Variants in RNF114 observed in about 807,000 individuals in gnomAD.
RNF114 encodes the protein ring finger protein 114, also known as E3 ubiquitin-protein ligase RNF114.
A neutral mutation model predicts 28.4 loss-of-function variants in RNF114; 6 were observed. The ratio of observed to expected loss-of-function variants is 0.21; its 90% CI spans 0.12 to 0.42. The LOEUF is 0.42. RNF114 is among the 10% of genes least tolerant of loss of function. RNF114 has a pLI of 1.00. For synonymous variants in RNF114, 115 were observed against 116.7 expected (o/e 0.99, Z 0.09); for missense variants, 249 against 311.7 (o/e 0.80, Z 1.51).
At chr20:49,948,946 G>A (rs2090345494) in intron 4 of RNF114, among the ~76,000 whole-genome samples, 1 of 152,120 alleles carries the variant, frequency 6.6e-6, no homozygotes, top group Admixed American at 6.6e-5. Flanking sequence ...GGATTGTCTT[G>A]TGTGCTGGAT....
At chr20:49,939,858 C>G (rs1465243906) in intron 1 of RNF114, among the ~76,000 whole-genome samples, 2 of 151,794 alleles carry the variant, frequency 1.3e-5, no homozygotes, top group Non-Finnish European at 2.9e-5. Flanking sequence ...AGTTCGAGAC[C>G]AGCCTGGCTA....
chr20:49,941,582 G>T lies in RNF114; in HGVS notation c.162G>T (p.Gln54His). ...CGHVFCSACL[Q>H]ECLKPKKPVC... Reference sequence around the variant, plus strand: ...CTAGCTTTTGCTCTGCATGCCTGCAGGAATGTCTGAAGCCGAAGAAGCCTG... The same window carrying T: ...CTAGCTTTTGCTCTGCATGCCTGCATGAATGTCTGAAGCCGAAGAAGCCTG... Residue 54 changes from glutamine (Q) to histidine (H), a missense_variant, in exon 2 of 6, where the codon CAG (glutamine) becomes CAT (histidine). Physicochemically the swap from Gln to His is conservative, Grantham distance 24. Transcript: ENST00000244061. 1 of 1,605,974 alleles carries T rather than the reference G, an allele frequency of 6.2e-7. No individual in the cohort carries two copies. Among genetic ancestry groups the T allele is most frequent in the South Asian group, 1.1e-5 (1 of 90,532 alleles).
chr20:49,944,662 C>G (rs1678174252), intron 2 of RNF114: 1 of 152,222 alleles, frequency 6.6e-6, no homozygotes, highest in African/African-American at 2.4e-5. Context: ...AGGCAGATCA[C>G]TTGAGGTCAG....
intron 2 of RNF114, among the ~76,000 whole-genome samples, chr20:49,943,633 A>ACAATTC (rs2090315932): frequency 6.8e-6 from 1 of 146,786 alleles, no homozygotes; most frequent in Admixed American, 6.9e-5. Flanking sequence ...ATATTGAAAT[A>ACAATTC]CAATTCCCTA....
At chr20:49,942,363 C>A (rs1049491202) in intron 2 of RNF114, among the ~76,000 whole-genome samples, 16 of 152,116 alleles carry the variant, frequency 1.1e-4, no homozygotes, top group African/African-American at 3.6e-4. Context: ...TATTTTCATA[C>A]CTGTTATAAC....
At chr20:49,946,413 T>C (rs1016918953) in intron 4 of RNF114, among the ~76,000 whole-genome samples, 163 bp downstream of exon 4, 3 of 152,150 alleles carry the variant, frequency 2.0e-5, no homozygotes, top group African/African-American at 7.2e-5. Flanking sequence ...ATAGTACACA[T>C]TTTTTGCTGA....
At chr20:49,942,035 C>T (rs2090310014) in intron 2 of RNF114, 2 of 260,932 alleles carry the variant, frequency 7.7e-6, no homozygotes, top group African/African-American at 4.6e-5. Context: ...GAGTCCGAGG[C>T]AAGAGCTTGA....
In RNF114 at chr20:49,952,323, C is replaced by T; in HGVS notation, c.*182C>T. On this transcript the variant is annotated 3_prime_UTR_variant, in exon 6 of 6. Transcript: ENST00000244061. Reference sequence around the variant, plus strand: ...GGTCAGCCCTTCTCTTCCCTTTGGGCTCTTGCCAAAGCTGTCTTCCCCTAC... The same window carrying T: ...GGTCAGCCCTTCTCTTCCCTTTGGGTTCTTGCCAAAGCTGTCTTCCCCTAC... The T allele has an allele frequency of 1.7e-6, 1 of 604,984 alleles. No homozygotes were observed. Among genetic ancestry groups the T allele is most frequent in the Non-Finnish European group, 3.0e-6 (1 of 331,182 alleles). 37.5% of individuals were successfully genotyped at this position (604,984 alleles called of 1,614,324 possible).
At chr20:49,937,110 C>T (rs990324271) in intron 1 of RNF114, among the ~76,000 whole-genome samples, 4 of 152,146 alleles carry the variant, frequency 2.6e-5, no homozygotes, top group African/African-American at 9.7e-5. Flanking sequence ...CATTCTACTT[C>T]CTGTGTAGGA....
intron 4 of RNF114, among the ~76,000 whole-genome samples, chr20:49,947,525 A>ATCTTTGCCTGTATCTATGTATGT (rs1317493193): frequency 6.6e-6 from 1 of 152,030 alleles, no homozygotes; most frequent in Non-Finnish European, 1.5e-5. Context: ...TGAGAAACAT[A>ATCTTTGCCTGTATCTATGTATGT]TCTTTGCCTG....
intron 5 of RNF114, 120 bp downstream of exon 5, chr20:49,949,475 TC>T: frequency 1.3e-6 from 1 of 798,728 alleles, no homozygotes; most frequent in Non-Finnish European, 2.1e-6. Flanking sequence ...GTGATGGGCT[TC>T]CAGTCTGTAT....
chr20:49,950,696 A>AC (rs1322145935), intron 5 of RNF114, among the ~76,000 whole-genome samples: 1,863 of 151,580 alleles, frequency 0.012, 21 homozygotes, highest in Non-Finnish European at 0.019. Flanking sequence ...AAAAAAAAAA[A>AC]AAAACAAAAC....
chr20:49,938,759 C>A (rs1017455447), intron 1 of RNF114, among the ~76,000 whole-genome samples: 1 of 152,242 alleles, frequency 6.6e-6, no homozygotes, highest in Non-Finnish European at 1.5e-5. Flanking sequence ...ATGTCTCAGG[C>A]ACAAAGTGAC....
intron 5 of RNF114, among the ~76,000 whole-genome samples, chr20:49,949,824 C>T (rs1445969586): frequency 2.6e-5 from 4 of 152,004 alleles, no homozygotes; most frequent in African/African-American, 9.7e-5. Context: ...TTTGTACTTT[C>T]AGTAGAGACA....
intron 4 of RNF114, among the ~76,000 whole-genome samples, chr20:49,947,430 T>G (rs2090337268): frequency 6.6e-6 from 1 of 152,114 alleles, no homozygotes. Context: ...TAAACAGTGG[T>G]GCAGAAATTT....
intron 5 of RNF114, among the ~76,000 whole-genome samples, chr20:49,951,258 C>T (rs1304306868): frequency 6.6e-6 from 1 of 151,312 alleles, no homozygotes; most frequent in East Asian, 2.0e-4. Context: ...GAATAACTGC[C>T]CTTTTTGTTA....
rs572640094 is a variant in RNF114, at chr20:49,953,757, G to A, written c.*1616G>A. Reference sequence around the variant, plus strand: ...GTATGTCCACCTCACTGGTGGCACCGAGAAACTTACTTCCTTGTATTAAGT... The same window carrying A: ...GTATGTCCACCTCACTGGTGGCACCAAGAAACTTACTTCCTTGTATTAAGT... On this transcript the variant is annotated 3_prime_UTR_variant, in exon 6 of 6. Transcript: ENST00000244061. 4.1e-4 allele frequency: 63 copies of A among 152,234 alleles called. No homozygotes were observed. The highest frequency in any genetic ancestry group is 1.5e-3 in the African/African-American group (61 of 41,546). The allele number at this position is 152,234 out of a possible 1,614,324, so 9.4% of individuals were successfully genotyped here.
chr20:49,947,425 A>G (rs2090337197), intron 4 of RNF114, among the ~76,000 whole-genome samples: 1 of 152,066 alleles, frequency 6.6e-6, no homozygotes, highest in Admixed American at 6.6e-5. Flanking sequence ...TGCTGTAAAC[A>G]GTGGTGCAGA....
intron 2 of RNF114, among the ~76,000 whole-genome samples, chr20:49,942,945 A>G (rs910620509): frequency 2.0e-5 from 3 of 152,168 alleles, no homozygotes; most frequent in African/African-American, 7.2e-5. Flanking sequence ...ATACTATAAT[A>G]TATATATTTC....
Sources: gnomAD v4.1 joint callset for allele counts (sites outside exome capture counted in the v4.1 genomes callset) on GRCh38, gnomAD v4.1.1 for gene constraint, MANE v1.5 for transcripts, NCBI Gene and HGNC (gene_info 2026-07-23, HGNC 2026-07-21) for gene names.